The following MAP3K2 variants were observed in gnomAD, a reference collection of about 807,000 sequenced individuals.
The protein encoded by MAP3K2 is mitogen-activated protein kinase kinase kinase 2, also known as MAP/ERK kinase kinase 2.
In MAP3K2, 24 loss-of-function variants were observed where a neutral mutation model predicts 80.3. The observed-to-expected ratio is 0.30, with a 90% CI of 0.22 to 0.42. The LOEUF is 0.42. Among genes scored for constraint, MAP3K2 ranks in the 10% least tolerant of loss-of-function variants. The pLI, the probability that MAP3K2 is intolerant of heterozygous loss-of-function variation, is 1.00. For missense variants in MAP3K2, 608 were observed against 750.1 expected (o/e 0.81, Z 2.21); for synonymous variants, 244 against 253.7 (o/e 0.96, Z 0.36).
intron 1 of MAP3K2, among the ~76,000 whole-genome samples, chr2:127,345,162 G>A (rs1017628706): frequency 5.9e-5 from 9 of 152,088 alleles, no homozygotes; most frequent in African/African-American, 9.7e-5. Flanking sequence ...TTTTAAATTC[G>A]AAGACAAAAT....
upstream of MAP3K2, chr2:127,388,152 G>C: frequency 1.0e-6 from 1 of 985,232 alleles, no homozygotes; most frequent in Non-Finnish European, 1.2e-6. Flanking sequence ...GGACGGCGCG[G>C]GGATTCCCAG....
At chr2:127,365,132 A>G (rs1190328544) in intron 1 of MAP3K2, among the ~76,000 whole-genome samples, 1 of 137,044 alleles carries the variant, frequency 7.3e-6, no homozygotes, top group Non-Finnish European at 1.5e-5. Context: ...AAAAAAAAAA[A>G]AAAAAAAAAA....
At chr2:127,376,881 TAC>T (rs1295791728) in intron 1 of MAP3K2, among the ~76,000 whole-genome samples, 1 of 151,980 alleles carries the variant, frequency 6.6e-6, no homozygotes, top group African/African-American at 2.4e-5. Flanking sequence ...GCCTGAGCAA[TAC>T]AGAGACCCTA....
chr2:127,385,477 G>A (rs1445701386), intron 1 of MAP3K2, among the ~76,000 whole-genome samples: 2 of 152,234 alleles, frequency 1.3e-5, no homozygotes, highest in East Asian at 1.9e-4. Flanking sequence ...TATATGCACC[G>A]TGAAACTAAA....
intron 14 of MAP3K2, among the ~76,000 whole-genome samples, 186 bp from the exon 15 acceptor site, chr2:127,315,069 C>T (rs1393615280): frequency 6.6e-6 from 1 of 152,098 alleles, no homozygotes; most frequent in East Asian, 1.9e-4. Flanking sequence ...TGCTGATTTT[C>T]TCAGAAAAAG....
At position 127,321,657 on chromosome 2, in the gene MAP3K2, C is replaced by G. The variant is rs1237866242; in HGVS notation, c.1045+389G>C. Among the ~76,000 whole-genome samples the G allele has an allele frequency of 1.3e-5, 2 of 152,204 alleles. No homozygotes were observed. The highest frequency in any genetic ancestry group is 4.8e-5 in the African/African-American group (2 of 41,446). On this transcript the variant is annotated intron_variant, in intron 12 of 16. Coordinates refer to ENST00000682094, the MANE Select transcript of MAP3K2 (RefSeq NM_001371910.2). The surrounding 1 kb of genome is among the most constrained non-coding windows in gnomAD (Gnocchi z 4.4). ...GATGTTATGGCCTCTTGCACATTAT[C>G]TCCTCAGCTGGTGATTTCTACTCAC...
intron 15 of MAP3K2, among the ~76,000 whole-genome samples, 165 bp downstream of exon 15, chr2:127,314,589 G>A (rs909510193): frequency 6.6e-6 from 1 of 152,198 alleles, no homozygotes; most frequent in Non-Finnish European, 1.5e-5. Flanking sequence ...AGACAGGACT[G>A]GTGTGATAGA....
intron 2 of MAP3K2, among the ~76,000 whole-genome samples, chr2:127,341,714 A>T (rs1232638144): frequency 6.6e-6 from 1 of 151,300 alleles, no homozygotes; most frequent in African/African-American, 2.4e-5. Flanking sequence ...TTGTATTTTT[A>T]GTAGAGATGG....
At chr2:127,388,009 C>T (rs1687407065), upstream of MAP3K2, 2 of 983,592 alleles carry the variant, frequency 2.0e-6, no homozygotes, top group Non-Finnish European at 1.2e-6. Flanking sequence ...CACGGCCGCT[C>T]GCTCGTGCGC....
At chr2:127,334,369 A>T (rs1350306123) in intron 5 of MAP3K2, among the ~76,000 whole-genome samples, 1 of 152,224 alleles carries the variant, frequency 6.6e-6, no homozygotes, top group Non-Finnish European at 1.5e-5. Flanking sequence ...AAAAAGAAAA[A>T]AAGATATGTC....
At chr2:127,320,359 C>T (rs981686519) in intron 12 of MAP3K2, among the ~76,000 whole-genome samples, 1 of 151,830 alleles carries the variant, frequency 6.6e-6, no homozygotes, top group Non-Finnish European at 1.5e-5. Flanking sequence ...ATTCCTTCAA[C>T]AGGATCATAA....
At chr2:127,355,475 GTA>G (rs1686781269) in intron 1 of MAP3K2, among the ~76,000 whole-genome samples, 1 of 152,122 alleles carries the variant, frequency 6.6e-6, no homozygotes, top group Non-Finnish European at 1.5e-5. Context: ...TTTACAATGT[GTA>G]GTCTATTAAG....
chr2:127,385,598 G>C (rs145151233), intron 1 of MAP3K2, among the ~76,000 whole-genome samples: 1 of 152,146 alleles, frequency 6.6e-6, no homozygotes, highest in Non-Finnish European at 1.5e-5. Flanking sequence ...AATATGGCAA[G>C]ATAACAACAA....
chr2:127,369,773 T>C (rs1176808658), intron 1 of MAP3K2, among the ~76,000 whole-genome samples: 1 of 152,116 alleles, frequency 6.6e-6, no homozygotes, highest in Non-Finnish European at 1.5e-5. Flanking sequence ...CCAGAGCTGG[T>C]GGGTGAAAGT....
chr2:127,381,392 A>G (rs1687243820), intron 1 of MAP3K2, among the ~76,000 whole-genome samples: 1 of 152,194 alleles, frequency 6.6e-6, no homozygotes, highest in African/African-American at 2.4e-5. Context: ...AGTTATTCCC[A>G]TTTTTCAAGC....
intron 5 of MAP3K2, among the ~76,000 whole-genome samples, chr2:127,333,419 T>C (rs1346389494): frequency 4.6e-5 from 7 of 152,086 alleles, no homozygotes; most frequent in Non-Finnish European, 7.3e-5. Flanking sequence ...AGAGTAACAG[T>C]TCATTTTGAA....
intron 4 of MAP3K2, among the ~76,000 whole-genome samples, chr2:127,337,436 A>G (rs957909634): frequency 6.6e-6 from 1 of 152,202 alleles, no homozygotes; most frequent in Non-Finnish European, 1.5e-5. Flanking sequence ...AAGGAAAAAT[A>G]TATTTAATTT....
chr2:127,372,125 T>C (rs1687075748), intron 1 of MAP3K2, among the ~76,000 whole-genome samples: 1 of 152,176 alleles, frequency 6.6e-6, no homozygotes, highest in Non-Finnish European at 1.5e-5. Context: ...CTGGGAACAG[T>C]GGGATTAGTC....
intron 1 of MAP3K2, among the ~76,000 whole-genome samples, chr2:127,384,322 AAAAC>A (rs1250736353): frequency 3.9e-5 from 6 of 152,116 alleles, no homozygotes; most frequent in African/African-American, 7.2e-5. Flanking sequence ...TAAAAAAAGA[AAAAC>A]AAACGAAATA....
Sources: allele counts gnomAD v4.1 joint callset (sites outside exome capture counted in the v4.1 genomes callset), GRCh38; gene constraint gnomAD v4.1.1; non-coding constraint Gnocchi (gnomAD v3.1); transcripts MANE v1.5; gene names NCBI Gene and HGNC (gene_info 2026-07-23, HGNC 2026-07-21).